RBFOX1: variants seen among roughly 807,000 people sequenced by gnomAD.
RBFOX1 encodes the protein RNA binding fox-1 homolog 1, also known as RNA binding protein fox-1 homolog 1.
RBFOX1 carries 8 observed loss-of-function variants against 57.7 expected under a neutral mutation model. The observed-to-expected ratio is 0.14, with a 90% CI of 0.08 to 0.25. The LOEUF is 0.25. RBFOX1 is among the 10% of genes least tolerant of loss of function. RBFOX1 has a pLI of 1.00. For synonymous variants in RBFOX1, 326 were observed against 222.4 expected (o/e 1.47, Z -4.15); for missense variants, 611 against 548.5 (o/e 1.11, Z -1.14).
At chr16:7,248,454 A>C (rs556807173) in intron 4 of RBFOX1, among the ~76,000 whole-genome samples, 1 of 152,212 alleles carries the variant, frequency 6.6e-6, no homozygotes, top group African/African-American at 2.4e-5. Context: ...GGGAAAAGGT[A>C]GGATCTGAAT....
At chr16:5,836,905 T>G (rs1424464396) in intron 3 of RBFOX1, among the ~76,000 whole-genome samples, 7 of 152,196 alleles carry the variant, frequency 4.6e-5, no homozygotes, top group African/African-American at 1.7e-4. Flanking sequence ...TCTTCTGACT[T>G]GTTTCCTGGT....
chr16:5,935,823 C>T (rs921994494), intron 4 of RBFOX1, among the ~76,000 whole-genome samples: 17 of 152,290 alleles, frequency 1.1e-4, no homozygotes, highest in East Asian at 3.9e-4. Context: ...TCTTGTGCTG[C>T]CTACTTTGGG....
chr16:5,271,236 C>G (rs1369844991), intron 1 of RBFOX1, among the ~76,000 whole-genome samples: 1 of 152,024 alleles, frequency 6.6e-6, no homozygotes, highest in Non-Finnish European at 1.5e-5. Flanking sequence ...TGCCTGTAGT[C>G]TCAGCTACTC....
intron 2 of RBFOX1, among the ~76,000 whole-genome samples, chr16:6,353,737 C>T (rs1259890260): frequency 6.6e-6 from 1 of 152,084 alleles, no homozygotes; most frequent in Non-Finnish European, 1.5e-5. Flanking sequence ...CACTGGTTTC[C>T]ATAAAATTCA....
At chr16:6,516,460 CTGT>C (rs1032565815) in intron 2 of RBFOX1, among the ~76,000 whole-genome samples, 6 of 152,128 alleles carry the variant, frequency 3.9e-5, no homozygotes, top group Non-Finnish European at 4.4e-5. Context: ...TCAACAGCCC[CTGT>C]TGTTAAGATT....
At chr16:6,763,915 G>T (rs904738208) in intron 3 of RBFOX1, among the ~76,000 whole-genome samples, 1 of 152,208 alleles carries the variant, frequency 6.6e-6, no homozygotes, top group African/African-American at 2.4e-5. Flanking sequence ...CTTAGCGTTT[G>T]TATATGTCCT....
chr16:5,457,487 C>T (rs1193343364), intron 1 of RBFOX1, among the ~76,000 whole-genome samples: 1 of 152,178 alleles, frequency 6.6e-6, no homozygotes, highest in Admixed American at 6.5e-5. Flanking sequence ...GTTCCACTTT[C>T]ATGAGCTGAT....
chr16:5,626,254 A>C (rs1254835861), intron 3 of RBFOX1, among the ~76,000 whole-genome samples: 1 of 152,186 alleles, frequency 6.6e-6, no homozygotes, highest in Non-Finnish European at 1.5e-5. Flanking sequence ...AAGCAGTCAG[A>C]GATCAAGGTG....
At chr16:5,841,885 C>A (rs2151847958) in intron 3 of RBFOX1, among the ~76,000 whole-genome samples, 1 of 152,332 alleles carries the variant, frequency 6.6e-6, no homozygotes, top group East Asian at 1.9e-4. Flanking sequence ...GGCTGCCTCT[C>A]CTCAAAGCCG....
chr16:7,417,860 A>G (rs1188158249), intron 4 of RBFOX1, among the ~76,000 whole-genome samples: 1 of 152,076 alleles, frequency 6.6e-6, no homozygotes, highest in Non-Finnish European at 1.5e-5. Context: ...TTCTTGACGC[A>G]CTTTCGTTCC....
intron 3 of RBFOX1, among the ~76,000 whole-genome samples, chr16:6,922,560 A>G (rs1302850543): frequency 6.6e-6 from 1 of 151,996 alleles, no homozygotes; most frequent in Non-Finnish European, 1.5e-5. Context: ...TTTCCAGGAG[A>G]CAGTTGGCTT....
intron 4 of RBFOX1, among the ~76,000 whole-genome samples, chr16:7,402,195 T>C (rs1012210330): frequency 6.6e-6 from 1 of 152,090 alleles, no homozygotes; most frequent in African/African-American, 2.4e-5. Flanking sequence ...TCTTTGAAAA[T>C]ACATTTAAGT....
chr16:6,435,650 C>T (rs1018900073), intron 2 of RBFOX1, among the ~76,000 whole-genome samples: 1 of 152,266 alleles, frequency 6.6e-6, no homozygotes, highest in South Asian at 2.1e-4. Context: ...TTTATAGACA[C>T]TGGGGCATTT....
intron 2 of RBFOX1, among the ~76,000 whole-genome samples, chr16:6,385,324 C>T (rs1326662740): frequency 6.6e-6 from 1 of 152,168 alleles, no homozygotes; most frequent in Non-Finnish European, 1.5e-5. Context: ...TATTTAACCT[C>T]TCTTGCCTCA....
intron 3 of RBFOX1, among the ~76,000 whole-genome samples, chr16:6,727,794 G>T (rs565076695): frequency 6.6e-6 from 1 of 152,260 alleles, no homozygotes; most frequent in African/African-American, 2.4e-5. Context: ...TCAGGCATTT[G>T]AGGTCTTTAA....
chr16:7,052,646 C>G lies in RBFOX1; in HGVS notation c.27+548C>G, dbSNP rs147410726. 5.3e-5 allele frequency among the ~76,000 whole-genome samples: 8 copies of G among 152,272 alleles called. No individual in the cohort carries two copies. In the East Asian group the frequency reaches 1.5e-3, roughly 29 times the overall value. ...TTTCCCCACTTAAAAATGAAACTGT[C>G]TTGGTGCTCAGGCATATCGGTGTAA... On this transcript the variant is annotated intron_variant, in intron 4 of 15. Coordinates refer to ENST00000550418, the MANE Select transcript of RBFOX1 (RefSeq NM_018723.4).
intron 4 of RBFOX1, among the ~76,000 whole-genome samples, chr16:5,968,811 C>G (rs1596317198): frequency 6.6e-6 from 1 of 152,038 alleles, no homozygotes; most frequent in East Asian, 1.9e-4. Context: ...CTCTTGTTTT[C>G]TCTTTCTTTT....
At chr16:6,837,082 G>A (rs1048616323) in intron 3 of RBFOX1, among the ~76,000 whole-genome samples, 31 of 152,088 alleles carry the variant, frequency 2.0e-4, no homozygotes, top group Admixed American at 4.6e-4. Flanking sequence ...GATATATATT[G>A]GTTAACAATA....
At chr16:6,760,234 A>C (rs1436202425) in intron 3 of RBFOX1, among the ~76,000 whole-genome samples, 1 of 152,192 alleles carries the variant, frequency 6.6e-6, no homozygotes, top group Non-Finnish European at 1.5e-5. Flanking sequence ...TCATGTCTTT[A>C]AGCAGGAAAC....
Sources: gnomAD v4.1 joint callset for allele counts (sites outside exome capture counted in the v4.1 genomes callset) on GRCh38, gnomAD v4.1.1 for gene constraint, MANE v1.5 for transcripts, NCBI Gene and HGNC (gene_info 2026-07-23, HGNC 2026-07-21) for gene names.